The following ATP5MK variants were observed in gnomAD, a reference collection of about 807,000 sequenced individuals.
ATP5MK encodes the protein ATP synthase F(0) complex subunit k, mitochondrial.
Under a neutral mutation model 6.6 loss-of-function variants are expected in ATP5MK, and 5 were observed. The ratio of observed to expected loss-of-function variants is 0.76; its 90% CI spans 0.40 to 1.60. The LOEUF is 1.60. Ranked by LOEUF, ATP5MK falls within the 40% of genes most tolerant of loss-of-function variation. ATP5MK has a pLI of 0.02. For missense variants in ATP5MK, 57 were observed against 66.6 expected (o/e 0.86, Z 0.50); for synonymous variants, 30 against 24.5 (o/e 1.22, Z -0.66).
In ATP5MK at chr10:103,389,818, G is replaced by A. The variant is rs528607612; in HGVS notation, c.*4-652C>T. Among the ~76,000 whole-genome samples the A allele has an allele frequency of 3.1e-4, 47 of 151,874 alleles. 2 individuals carry two copies. In the South Asian group the frequency reaches 9.4e-3, roughly 30 times the overall value. ...GCAATCTCGGCTCACTGCAACCTCTGCCTCCTGGGTTCAAGTGATTCTCAC... is the reference window on the plus strand; with the variant it reads ...GCAATCTCGGCTCACTGCAACCTCTACCTCCTGGGTTCAAGTGATTCTCAC... On this transcript the variant is annotated intron_variant, in intron 4 of 4. Transcript: ENST00000369815.
At chr10:103,390,938 G>GAT (rs2093412763) in intron 4 of ATP5MK, among the ~76,000 whole-genome samples, 1 of 152,158 alleles carries the variant, frequency 6.6e-6, no homozygotes, top group South Asian at 2.1e-4. Context: ...AACCTATGGG[G>GAT]ATTTAAGGAA....
chr10:103,391,254 G>T (rs2093413611), intron 4 of ATP5MK, among the ~76,000 whole-genome samples: 1 of 152,166 alleles, frequency 6.6e-6, no homozygotes, highest in Non-Finnish European at 1.5e-5. Context: ...AATTGGGAAA[G>T]CACTTTTGCC....
At chr10:103,395,054 A>C (rs1421714065) in intron 2 of ATP5MK, among the ~76,000 whole-genome samples, 4 of 152,238 alleles carry the variant, frequency 2.6e-5, no homozygotes, top group African/African-American at 4.8e-5. Context: ...GAAATCAATC[A>C]CTCAAGTTAG....
intron 4 of ATP5MK, 50 bp downstream of exon 4, chr10:103,392,141 C>T (rs2093416353): frequency 2.0e-6 from 3 of 1,512,840 alleles, no homozygotes; most frequent in East Asian, 2.3e-5. Flanking sequence ...AGGGAAAAAT[C>T]CTAACATCAA....
In ATP5MK at chr10:103,392,292, GAAAGA is replaced by G. The variant is rs774367574; in HGVS notation, c.88-14_88-10del. On this transcript the variant is annotated splice_polypyrimidine_tract_variant and intron_variant, in intron 3 of 4. Coordinates refer to ENST00000369815, the MANE Select transcript of ATP5MK (RefSeq NM_001206427.2). Reference sequence around the variant, plus strand: ...TATGTGGCCAGTACACACTGAGAAAGAAAGAAAAAAGTAAACAAGACTTGTTGTTC... The same window carrying G: ...TATGTGGCCAGTACACACTGAGAAAGAAAAAGTAAACAAGACTTGTTGTTC... 3 of 1,602,476 alleles carry G rather than the reference GAAAGA, an allele frequency of 1.9e-6. No individual in the cohort carries two copies. The African/African-American group carries it at 4.1e-5, about 22-fold the overall frequency.
At chr10:103,389,734 C>T (rs1292316919) in intron 4 of ATP5MK, among the ~76,000 whole-genome samples, 2 of 148,898 alleles carry the variant, frequency 1.3e-5, no homozygotes, top group East Asian at 2.0e-4. Flanking sequence ...AAAGTAACAT[C>T]TTTTTTTTTT....
At chr10:103,395,594 G>A (rs2093430547) in intron 2 of ATP5MK, among the ~76,000 whole-genome samples, 152 bp downstream of exon 2, 1 of 152,194 alleles carries the variant, frequency 6.6e-6, no homozygotes, top group Non-Finnish European at 1.5e-5. Flanking sequence ...CACCGCGCCC[G>A]GCCACTAACT....
rs1411886327 is a variant in ATP5MK at position 103,392,198 on chromosome 10, G to A, written c.173C>T (p.Thr58Ile). Reference protein sequence around the residue: ...RSKKTPAVKAT With the variant: ...RSKKTPAVKAI ...TAAATGTCAACTTCTTACCATTTAT[G>A]TTGCTTTCACAGCTGGAGTTTTTTT... is the stretch of plus-strand genomic sequence containing the variant. The change falls in exon 4 of 5, where the codon ACA becomes ATA. Residue 58 changes from threonine to isoleucine, a missense_variant. Transcript: ENST00000369815. 8.7e-6 allele frequency: 14 copies of A among 1,609,350 alleles called. No homozygotes were observed. The highest frequency in any genetic ancestry group is 1.0e-5 in the Non-Finnish European group (12 of 1,177,854).
At chr10:103,389,376 G>C (rs896511071) in intron 4 of ATP5MK, among the ~76,000 whole-genome samples, 3 of 152,076 alleles carry the variant, frequency 2.0e-5, no homozygotes, top group Admixed American at 6.5e-5. Context: ...AGGCTGGAGT[G>C]CAATGGCACA....
intron 2 of ATP5MK, among the ~76,000 whole-genome samples, chr10:103,393,529 T>C (rs1031998487): frequency 3.4e-5 from 5 of 149,212 alleles, no homozygotes; most frequent in Non-Finnish European, 7.4e-5. Flanking sequence ...GCAGTGAGCC[T>C]AGATTGCGCC....
At chr10:103,389,543 G>A (rs1439756267) in intron 4 of ATP5MK, among the ~76,000 whole-genome samples, 6 of 151,700 alleles carry the variant, frequency 4.0e-5, no homozygotes, top group Admixed American at 2.0e-4. Context: ...GGCTGGTCTC[G>A]AACTCCTGAC....
chr10:103,394,893 T>A (rs2133652523), intron 2 of ATP5MK, among the ~76,000 whole-genome samples: 1 of 152,128 alleles, frequency 6.6e-6, no homozygotes, highest in South Asian at 2.1e-4. Flanking sequence ...ACATTACATC[T>A]AACTAAACTT....
chr10:103,391,599 T>C (rs943656448), intron 4 of ATP5MK, among the ~76,000 whole-genome samples: 9 of 150,832 alleles, frequency 6.0e-5, no homozygotes, highest in Non-Finnish European at 1.5e-5. Flanking sequence ...CCTCTGCCTC[T>C]TGGGCTCAAG....
chr10:103,393,205 C>G (rs779604420), intron 2 of ATP5MK, among the ~76,000 whole-genome samples: 8 of 152,044 alleles, frequency 5.3e-5, no homozygotes, highest in Non-Finnish European at 1.0e-4. Context: ...AATCATCAAA[C>G]AAGCAAAAAT....
chr10:103,396,054 G>C (rs2133655985), intron 1 of ATP5MK, 22 bp from the exon 2 acceptor site: 1 of 152,438 alleles, frequency 6.6e-6, no homozygotes, highest in Admixed American at 6.5e-5. Flanking sequence ...CAGAAGAAAA[G>C]AGGTTAATTC....
chr10:103,395,051 A>G (rs999759083), intron 2 of ATP5MK, among the ~76,000 whole-genome samples: 1 of 152,198 alleles, frequency 6.6e-6, no homozygotes, highest in South Asian at 2.1e-4. Flanking sequence ...ACTGAAATCA[A>G]TCACTCAAGT....
intron 2 of ATP5MK, among the ~76,000 whole-genome samples, chr10:103,393,951 A>G (rs1255422072): frequency 6.6e-6 from 1 of 152,246 alleles, no homozygotes; most frequent in South Asian, 2.1e-4. Context: ...AAGCACGTCA[A>G]TGGTTCTGGG....
intron 2 of ATP5MK, among the ~76,000 whole-genome samples, chr10:103,394,807 G>A (rs1006106242): frequency 9.3e-5 from 13 of 139,600 alleles, no homozygotes; most frequent in African/African-American, 3.6e-4. Flanking sequence ...CACTTCTTAG[G>A]GTTTGAAGTA....
chr10:103,393,929 C>A (rs538137916), intron 2 of ATP5MK, among the ~76,000 whole-genome samples: 25 of 152,232 alleles, frequency 1.6e-4, no homozygotes, highest in African/African-American at 6.0e-4. Flanking sequence ...AATCTTATTT[C>A]TGGATTTTAT....
Sources: allele counts gnomAD v4.1 joint callset (sites outside exome capture counted in the v4.1 genomes callset), GRCh38; gene constraint gnomAD v4.1.1; transcripts MANE v1.5; gene names NCBI Gene and HGNC (gene_info 2026-07-23, HGNC 2026-07-21).